WDR27: variants seen among roughly 807,000 people sequenced by gnomAD.
WDR27 encodes the protein WD repeat-containing protein 27.
A neutral mutation model predicts 114.4 loss-of-function variants in WDR27; 100 were observed. The observed-to-expected ratio is 0.87, with a 90% confidence interval of 0.74 to 1.03. WDR27 has a LOEUF of 1.03. WDR27 is among the 50% of genes least tolerant of loss of function. The pLI is 0.00. For missense variants in WDR27, 1,129 were observed against 1,092.9 expected (o/e 1.03, Z -0.47); for synonymous variants, 449 against 423.1 (o/e 1.06, Z -0.75).
At chr6:169,637,743 GTAAGTA>G (rs1384373333) in intron 18 of WDR27, among the ~76,000 whole-genome samples, 1 of 151,498 alleles carries the variant, frequency 6.6e-6, no homozygotes, top group East Asian at 1.9e-4. Flanking sequence ...TGAATACGTG[GTAAGTA>G]TAAGTGTGCG....
At chr6:169,508,551 GA>G (rs1373405201) in intron 25 of WDR27, among the ~76,000 whole-genome samples, 1 of 152,182 alleles carries the variant, frequency 6.6e-6, no homozygotes, top group Non-Finnish European at 1.5e-5. Flanking sequence ...TAAAGTGACT[GA>G]AAATTAGTCT....
In WDR27 at chr6:169,667,962, A is replaced by G. The variant is rs4509126; in HGVS notation, c.660+20T>C. On this transcript the variant is annotated intron_variant, in intron 5 of 25. Transcript: ENST00000448612. Reference sequence around the variant, plus strand: ...ACAGCACGTGCCACGCGGGAACGCCATCCAGCGTCCATCCCTCACCTTAAA... The same window carrying G: ...ACAGCACGTGCCACGCGGGAACGCCGTCCAGCGTCCATCCCTCACCTTAAA... 0.13 allele frequency: 202,947 copies of G among 1,601,808 alleles called. 15,699 individuals carry two copies. Among genetic ancestry groups the G allele is most frequent in the East Asian group, 0.3 (13,334 of 44,330 alleles).
At chr6:169,436,928 T>C in the WDR27 span, among the ~76,000 whole-genome samples, 1 of 152,110 alleles carries the variant, frequency 6.6e-6, no homozygotes, top group Non-Finnish European at 1.5e-5. Context: ...AAATACATTA[T>C]AATTCAAAAT....
chr6:169,598,545 A>C (rs925453349), intron 23 of WDR27, among the ~76,000 whole-genome samples: 1 of 152,226 alleles, frequency 6.6e-6, no homozygotes, highest in Non-Finnish European at 1.5e-5. Flanking sequence ...ATACTGCTAG[A>C]ATGGCAAGTA....
rs4236176 is a variant in WDR27, at chr6:169,670,627, A to C, written c.398T>G (p.Leu133Arg). The change falls in exon 4 of 26, where the codon CTG (leucine) becomes CGG (arginine). Residue 133 changes from leucine to arginine, a missense_variant. Leu to Arg is a moderately radical substitution (Grantham distance 102). Coordinates refer to ENST00000448612, the MANE Select transcript of WDR27 (RefSeq NM_182552.5). ...LGKVLCLQLS[L>R]DDHVVAVCAG... ...ACACACGGCAACAACATGATCATCC[A>C]GGCTCAACTGTAAACACAGCACCTT... 2 of 1,613,660 alleles carry C rather than the reference A, an allele frequency of 1.2e-6. No individual in the cohort carries two copies. The highest frequency in any genetic ancestry group is 1.7e-6 in the Non-Finnish European group (2 of 1,179,834).
chr6:169,621,329 TACATACGCACACACATGCATGTAG>T (rs1179680034), intron 21 of WDR27, among the ~76,000 whole-genome samples: 1 of 62,732 alleles, frequency 1.6e-5, no homozygotes, highest in Non-Finnish European at 6.1e-5. Flanking sequence ...TTCACACATA[TACATACGCACACACATGCATGTAG>T]ACATACGCAC....
At chr6:169,502,325 C>T (rs1291646339) in intron 25 of WDR27, among the ~76,000 whole-genome samples, 2 of 152,232 alleles carry the variant, frequency 1.3e-5, no homozygotes. Context: ...CCCCCGGAAG[C>T]TGAAGGGCGA....
At chr6:169,698,609 T>A (rs1471009561) in intron 1 of WDR27, among the ~76,000 whole-genome samples, 1 of 151,328 alleles carries the variant, frequency 6.6e-6, no homozygotes, top group Non-Finnish European at 1.5e-5. Context: ...TCTTTCTGCT[T>A]CTTCCCTGGA....
intron 13 of WDR27, among the ~76,000 whole-genome samples, chr6:169,657,274 G>A (rs999388169): frequency 1.3e-5 from 2 of 152,206 alleles, no homozygotes; most frequent in African/African-American, 4.8e-5. Flanking sequence ...GAAGGTGTTC[G>A]AGGCCTGATT....
chr6:169,573,578 T>C (rs1297643436), intron 24 of WDR27, among the ~76,000 whole-genome samples: 1 of 152,188 alleles, frequency 6.6e-6, no homozygotes, highest in Non-Finnish European at 1.5e-5. Context: ...CAATCCCCCA[T>C]GTAGACCGAG....
intron 22 of WDR27, among the ~76,000 whole-genome samples, chr6:169,606,045 A>C (rs1260123809): frequency 6.6e-6 from 1 of 152,202 alleles, no homozygotes; most frequent in Non-Finnish European, 1.5e-5. Flanking sequence ...ACATTGGTCT[A>C]GGCAAAGAAT....
intron 21 of WDR27, among the ~76,000 whole-genome samples, chr6:169,626,088 T>C (rs527780571): frequency 1.3e-5 from 2 of 152,282 alleles, no homozygotes; most frequent in South Asian, 4.1e-4. Context: ...CTGGGGCCTC[T>C]GAAGAATTGA....
chr6:169,634,475 C>T lies in WDR27; in HGVS notation c.2054G>A (p.Gly685Asp), dbSNP rs1242098029. The T allele has an allele frequency of 6.2e-7, 1 of 1,613,326 alleles. No homozygotes were observed. Among genetic ancestry groups the T allele is most frequent in the Admixed American group, 1.7e-5 (1 of 59,926 alleles). The change falls in exon 20 of 26, where the codon GGT becomes GAT. Residue 685 changes from glycine (G) to aspartate (D), a missense_variant. Coordinates refer to ENST00000448612, the MANE Select transcript of WDR27 (RefSeq NM_182552.5). Reference sequence around the variant, plus strand: ...CGATAAACTGGTCATGTCTACTGCACCCGTCGTGGAGAGCCTGCAAATCAG... The same window carrying T: ...CGATAAACTGGTCATGTCTACTGCATCCGTCGTGGAGAGCCTGCAAATCAG... ...SKLICRLSTTGAVDMTSLSAV... is the reference protein window; with the variant it reads ...SKLICRLSTTDAVDMTSLSAV...
intron 17 of WDR27, among the ~76,000 whole-genome samples, chr6:169,641,725 G>A (rs757444778): frequency 6.6e-6 from 1 of 152,118 alleles, no homozygotes; most frequent in Non-Finnish European, 1.5e-5. Flanking sequence ...CTTCATACTT[G>A]GACAAAGATT....
chr6:169,430,751 T>G, the WDR27 span, among the ~76,000 whole-genome samples: 1 of 152,202 alleles, frequency 6.6e-6, no homozygotes, highest in African/African-American at 2.4e-5. Flanking sequence ...AAGCTGAAAG[T>G]CATTCAAAGA....
intron 24 of WDR27, among the ~76,000 whole-genome samples, chr6:169,576,508 C>G (rs1224080057): frequency 6.6e-6 from 1 of 152,158 alleles, no homozygotes; most frequent in African/African-American, 2.4e-5. Context: ...GACCTGTAGT[C>G]CCAGCACTTT....
At chr6:169,606,822 T>G (rs1326319604) in intron 22 of WDR27, among the ~76,000 whole-genome samples, 1 of 152,230 alleles carries the variant, frequency 6.6e-6, no homozygotes, top group African/African-American at 2.4e-5. Context: ...CCTTTGGGTA[T>G]ATACCCAGTA....
At chr6:169,510,838 C>T (rs1170240877) in intron 25 of WDR27, among the ~76,000 whole-genome samples, 2 of 152,082 alleles carry the variant, frequency 1.3e-5, no homozygotes, top group Non-Finnish European at 2.9e-5. Flanking sequence ...CAATTTCTTC[C>T]TCCATTTTTA....
At chr6:169,458,003 AGG>A (rs1784473098) in intron 25 of WDR27, among the ~76,000 whole-genome samples, 1 of 151,392 alleles carries the variant, frequency 6.6e-6, no homozygotes, top group Admixed American at 6.6e-5. Context: ...GAGGAGGAGG[AGG>A]AGGTGGTGGT....
Sources: gnomAD v4.1 joint callset for allele counts (sites outside exome capture counted in the v4.1 genomes callset) on GRCh38, gnomAD v4.1.1 for gene constraint, MANE v1.5 for transcripts, NCBI Gene and HGNC (gene_info 2026-07-23, HGNC 2026-07-21) for gene names.